The following CCDC102B variants were observed in gnomAD, a reference collection of about 807,000 sequenced individuals.
CCDC102B encodes the protein coiled-coil domain containing 102B.
A neutral mutation model predicts 57.4 loss-of-function variants in CCDC102B; 75 were observed. The observed-to-expected ratio is 1.31, with a 90% CI of 1.08 to 1.58. CCDC102B has a LOEUF of 1.58. Among genes scored for constraint, CCDC102B ranks in the 40% most tolerant of loss-of-function variants. CCDC102B has a pLI of 0.00. For synonymous variants in CCDC102B, 206 were observed against 201.9 expected, an observed-to-expected ratio of 1.02 and a Z score of -0.17; for missense variants, 636 against 582.6, an observed-to-expected ratio of 1.09 and a Z score of -0.94.
rs1250405650 is a variant in CCDC102B, at chr18:68,863,362, T to A, written c.937-11307T>A. 1.3e-4 allele frequency among the ~76,000 whole-genome samples: 19 copies of A among 151,916 alleles called. 1 individual carries two copies. Among genetic ancestry groups the A allele is most frequent in the Admixed American group, 1.2e-3 (19 of 15,242 alleles). On this transcript the variant is annotated intron_variant, in intron 4 of 7. Transcript: ENST00000360242. ...TGAAAGTCGGATTTAAAGGGTTTGGTTTGAATCAATTTCAAGACTTTTTCA... is the reference window on the plus strand; with the variant it reads ...TGAAAGTCGGATTTAAAGGGTTTGGATTGAATCAATTTCAAGACTTTTTCA...
At chr18:69,040,123 G>A (rs140591155) in intron 7 of CCDC102B, among the ~76,000 whole-genome samples, 3,561 of 151,858 alleles carry the variant, frequency 0.023, 72 homozygotes, top group Non-Finnish European at 0.037. Context: ...TATTACATGA[G>A]GAATGATACA....
chr18:69,005,826 A>G (rs1452822298), intron 6 of CCDC102B, among the ~76,000 whole-genome samples: 1 of 151,642 alleles, frequency 6.6e-6, no homozygotes, highest in Non-Finnish European at 1.5e-5. Flanking sequence ...ATATATGCAA[A>G]CACATTTTAT....
At chr18:69,046,455 T>G (rs1568147852) in intron 7 of CCDC102B, among the ~76,000 whole-genome samples, 1 of 152,164 alleles carries the variant, frequency 6.6e-6, no homozygotes, top group Non-Finnish European at 1.5e-5. Context: ...GTTTTCCTTT[T>G]GTAAATTTTT....
chr18:68,786,236 G>C (rs1336602075), intron 2 of CCDC102B, among the ~76,000 whole-genome samples: 1 of 152,052 alleles, frequency 6.6e-6, no homozygotes, highest in African/African-American at 2.4e-5. Context: ...CTGTAGCCTT[G>C]TAGTATAGTT....
At chr18:68,951,449 C>T (rs891567931) in intron 6 of CCDC102B, among the ~76,000 whole-genome samples, 1 of 152,086 alleles carries the variant, frequency 6.6e-6, no homozygotes, top group Non-Finnish European at 1.5e-5. Context: ...CCTCTTTATT[C>T]ACCAACTTTG....
chr18:69,049,564 G>A (rs772198683), intron 7 of CCDC102B, among the ~76,000 whole-genome samples: 15 of 152,068 alleles, frequency 9.9e-5, no homozygotes, highest in Admixed American at 6.6e-4. Flanking sequence ...TTACTGTGTG[G>A]AAGGGAGGAG....
At chr18:68,880,861 T>C (rs558481759) in intron 5 of CCDC102B, among the ~76,000 whole-genome samples, 1 of 152,354 alleles carries the variant, frequency 6.6e-6, no homozygotes, top group South Asian at 2.1e-4. Flanking sequence ...TGATTTACCA[T>C]ATTGGTTTTT....
At chr18:68,956,424 ATT>A (rs2049869672) in intron 6 of CCDC102B, among the ~76,000 whole-genome samples, 3 of 51,558 alleles carry the variant, frequency 5.8e-5, no homozygotes, top group Admixed American at 3.6e-4. Context: ...TATTATATAT[ATT>A]ATACATTTTA....
chr18:68,797,920 C>T (rs905038684), upstream of CCDC102B, among the ~76,000 whole-genome samples: 1 of 151,934 alleles, frequency 6.6e-6, no homozygotes, highest in Non-Finnish European at 1.5e-5. Context: ...CTTTGGATAA[C>T]CATACTTAGG....
At position 68,837,139 on chromosome 18, in the gene CCDC102B, A is replaced by C. The variant is rs368714201; in HGVS notation, c.376A>C (p.Lys126Gln). 5.0e-6 allele frequency: 8 copies of C among 1,613,942 alleles called. No homozygotes were observed. Among genetic ancestry groups the C allele is most frequent in the African/African-American group, 4.0e-5 (3 of 74,906 alleles). ...GGAGGAAGGAAGACAACTCAGAATAAAACTAGAGATGGCGATGAAAGAATT... is the reference window on the plus strand; with the variant it reads ...GGAGGAAGGAAGACAACTCAGAATACAACTAGAGATGGCGATGAAAGAATT... ...AREEGRQLRIKLEMAMKELST... is the reference protein window; with the variant it reads ...AREEGRQLRIQLEMAMKELST... Residue 126 changes from lysine (K) to glutamine (Q), a missense_variant, in exon 2 of 8, where the codon AAA becomes CAA. Lys to Gln is a moderately conservative substitution (Grantham distance 53, BLOSUM62 1). Coordinates refer to ENST00000360242, the MANE Select transcript of CCDC102B (RefSeq NM_024781.3).
intron 6 of CCDC102B, among the ~76,000 whole-genome samples, chr18:68,975,261 C>T (rs375478192): frequency 1.3e-5 from 2 of 151,910 alleles, no homozygotes; most frequent in Non-Finnish European, 2.9e-5. Flanking sequence ...GCTAAATTTT[C>T]TATTCACTTT....
chr18:68,806,690 C>T (rs950135747), intron 1 of CCDC102B, among the ~76,000 whole-genome samples: 1 of 152,038 alleles, frequency 6.6e-6, no homozygotes, highest in Non-Finnish European at 1.5e-5. Context: ...ATTCAAGCAA[C>T]ATTTGCAATT....
chr18:68,963,043 G>C (rs2050082428), intron 6 of CCDC102B, among the ~76,000 whole-genome samples: 1 of 151,772 alleles, frequency 6.6e-6, no homozygotes, highest in South Asian at 2.1e-4. Context: ...TTTCAGTTTA[G>C]GTAGAGAAAG....
intron 4 of CCDC102B, among the ~76,000 whole-genome samples, chr18:68,867,899 A>T (rs1384234976): frequency 1.3e-5 from 2 of 151,990 alleles, no homozygotes. Context: ...ATGCCACTGC[A>T]CTCCATCCTG....
At chr18:69,004,495 G>T (rs1215702335) in intron 6 of CCDC102B, among the ~76,000 whole-genome samples, 1 of 152,134 alleles carries the variant, frequency 6.6e-6, no homozygotes, top group Non-Finnish European at 1.5e-5. Context: ...TGTCAGTGAA[G>T]AGTTGTTGTG....
chr18:68,896,474 G>A (rs1011908076), intron 5 of CCDC102B, among the ~76,000 whole-genome samples: 1 of 151,776 alleles, frequency 6.6e-6, no homozygotes, highest in Non-Finnish European at 1.5e-5. Context: ...TAGTGTAAAG[G>A]ACCACAAAGT....
intron 7 of CCDC102B, among the ~76,000 whole-genome samples, chr18:69,032,317 G>A (rs569664932): frequency 1.3e-5 from 2 of 152,278 alleles, no homozygotes; most frequent in South Asian, 4.1e-4. Context: ...TATCCCCAAA[G>A]AGGAAAGTGG....
At chr18:68,842,871 C>T (rs950359368) in intron 3 of CCDC102B, among the ~76,000 whole-genome samples, 1 of 152,068 alleles carries the variant, frequency 6.6e-6, no homozygotes, top group Non-Finnish European at 1.5e-5. Context: ...AATTTGAATA[C>T]GTTTGCTTGC....
At chr18:68,967,722 C>T (rs1458881327) in intron 6 of CCDC102B, among the ~76,000 whole-genome samples, 1 of 151,970 alleles carries the variant, frequency 6.6e-6, no homozygotes, top group Non-Finnish European at 1.5e-5. Flanking sequence ...TGTATTAATT[C>T]CTATGTGATT....
Sources: gnomAD v4.1 joint callset for allele counts (sites outside exome capture counted in the v4.1 genomes callset) on GRCh38, gnomAD v4.1.1 for gene constraint, MANE v1.5 for transcripts, NCBI Gene and HGNC (gene_info 2026-07-23, HGNC 2026-07-21) for gene names.